NBAS: variants seen among roughly 807,000 people sequenced by gnomAD.
The protein encoded by NBAS is NBAS subunit of NRZ tethering complex.
NBAS carries 219 observed loss-of-function variants against 302.5 expected under a neutral mutation model. That is an observed-to-expected ratio of 0.72 (90% confidence interval 0.65 to 0.81). The LOEUF is 0.81. Ranked by LOEUF, NBAS falls within the 30% of genes least tolerant of loss-of-function variation. The pLI is 0.00. For missense variants in NBAS, 2,932 were observed against 2,841.6 expected, an observed-to-expected ratio of 1.03 and a Z score of -0.72; for synonymous variants, 1,118 against 1,021.6, an observed-to-expected ratio of 1.09 and a Z score of -1.80.
At chr2:15,207,522 G>T (rs1045280979) in intron 48 of NBAS, among the ~76,000 whole-genome samples, 23 of 152,156 alleles carry the variant, frequency 1.5e-4, no homozygotes, top group African/African-American at 4.6e-4. Context: ...ATTTGGGAGA[G>T]GCTGGGATGG....
the NBAS span, among the ~76,000 whole-genome samples, chr2:14,818,371 A>G: frequency 2.0e-5 from 3 of 152,170 alleles, no homozygotes; most frequent in African/African-American, 4.8e-5. Context: ...TTTTATCTGC[A>G]TCTACCATCT....
At chr2:15,012,267 G>A in the NBAS span, among the ~76,000 whole-genome samples, 5 of 151,820 alleles carry the variant, frequency 3.3e-5, no homozygotes, top group African/African-American at 1.2e-4. Flanking sequence ...TTCAATAACT[G>A]AAATAAAAAA....
At chr2:15,175,245 G>A (rs1489150880) in intron 51 of NBAS, among the ~76,000 whole-genome samples, 1 of 152,168 alleles carries the variant, frequency 6.6e-6, no homozygotes, top group Non-Finnish European at 1.5e-5. Flanking sequence ...GATTACAGGT[G>A]TGAGCCACCG....
At chr2:15,454,505 T>C (rs1213951514) in intron 21 of NBAS, among the ~76,000 whole-genome samples, 1 of 152,228 alleles carries the variant, frequency 6.6e-6, no homozygotes, top group Non-Finnish European at 1.5e-5. Flanking sequence ...TTCCAATGAA[T>C]GGATGTATTA....
intron 9 of NBAS, among the ~76,000 whole-genome samples, chr2:15,533,679 CGTGTGTGT>C (rs59222907): frequency 0.055 from 7,985 of 143,944 alleles, 504 homozygotes; most frequent in African/African-American, 0.15. Context: ...GGGGGGTGTG[CGTGTGTGT>C]GTGTGTGTGT....
At chr2:15,484,505 A>C (rs915206030) in intron 12 of NBAS, among the ~76,000 whole-genome samples, 1 of 152,136 alleles carries the variant, frequency 6.6e-6, no homozygotes, top group Admixed American at 6.5e-5. Context: ...GCTCAAGGTC[A>C]TGGCCAAGGT....
chr2:14,827,820 T>C, the NBAS span, among the ~76,000 whole-genome samples: 2 of 152,292 alleles, frequency 1.3e-5, no homozygotes, highest in South Asian at 4.1e-4. Context: ...GGAGTTCCTG[T>C]TCAACAGGAA....
Position 15,443,868 on chromosome 2 carries a change from C to A in NBAS, c.2340-16074G>T, listed in dbSNP as rs371947483. On this transcript the variant is annotated intron_variant, in intron 21 of 51. Coordinates refer to ENST00000281513, the MANE Select transcript of NBAS (RefSeq NM_015909.4). Reference sequence around the variant, plus strand: ...TTCTTATACACCAATAACAGACAAACAGAGAGCCAAAGCATGAGAGAACTC... The same window carrying A: ...TTCTTATACACCAATAACAGACAAAAAGAGAGCCAAAGCATGAGAGAACTC... Among the ~76,000 whole-genome samples the A allele has an allele frequency of 1.8e-4, 27 of 152,240 alleles. No homozygotes were observed. The East Asian group carries it at 3.9e-3, about 22-fold the overall frequency.
intron 21 of NBAS, among the ~76,000 whole-genome samples, chr2:15,447,460 T>C (rs1206143277): frequency 6.6e-6 from 1 of 152,180 alleles, no homozygotes; most frequent in Non-Finnish European, 1.5e-5. Flanking sequence ...GCTAATGTGC[T>C]GTGTTAGAAA....
the NBAS span, among the ~76,000 whole-genome samples, chr2:15,009,693 C>CATATATAT: frequency 0.069 from 8,721 of 126,172 alleles, 407 homozygotes; most frequent in Middle Eastern, 0.1. Flanking sequence ...TGTAGGAATG[C>CATATATAT]ATATATATAT....
At chr2:15,160,409 G>A in the NBAS span, among the ~76,000 whole-genome samples, 2 of 152,198 alleles carry the variant, frequency 1.3e-5, no homozygotes, top group South Asian at 2.1e-4. Flanking sequence ...ACCTGTGGAC[G>A]CAGCAGGGAG....
At chr2:15,094,242 C>CAT in the NBAS span, among the ~76,000 whole-genome samples, 2 of 152,192 alleles carry the variant, frequency 1.3e-5, no homozygotes, top group Admixed American at 1.3e-4. Context: ...TTGGAAAGAA[C>CAT]ATATTTCCCT....
the NBAS span, among the ~76,000 whole-genome samples, chr2:14,840,642 G>GA: frequency 4.5e-3 from 674 of 150,248 alleles, no homozygotes; most frequent in Middle Eastern, 0.014. Context: ...AGTGCCAAAA[G>GA]AAAAAAAAAT....
chr2:14,779,276 C>A, the NBAS span, among the ~76,000 whole-genome samples: 1 of 152,236 alleles, frequency 6.6e-6, no homozygotes, highest in South Asian at 2.1e-4. Flanking sequence ...CCTCCCATGA[C>A]TAACACAGTG....
At chr2:15,536,205 T>A (rs1163766092) in intron 8 of NBAS, among the ~76,000 whole-genome samples, 1 of 152,094 alleles carries the variant, frequency 6.6e-6, no homozygotes, top group South Asian at 2.1e-4. Context: ...GATATATGAA[T>A]AGAAATATGA....
At chr2:15,107,898 T>C in the NBAS span, among the ~76,000 whole-genome samples, 1 of 152,158 alleles carries the variant, frequency 6.6e-6, no homozygotes, top group Non-Finnish European at 1.5e-5. Context: ...CACTGTTGAG[T>C]AGATTGGTCA....
chr2:15,214,201 G>T (rs1237293469), intron 48 of NBAS, among the ~76,000 whole-genome samples: 2 of 152,114 alleles, frequency 1.3e-5, no homozygotes, highest in Non-Finnish European at 2.9e-5. Context: ...TTAAAGATTT[G>T]ATATTCATTT....
In NBAS at chr2:15,186,599, T is replaced by G. The variant is rs992420685; in HGVS notation, c.6711+143A>C. On this transcript the variant is annotated intron_variant, in intron 50 of 51. Coordinates refer to ENST00000281513, the MANE Select transcript of NBAS (RefSeq NM_015909.4). ...ATCCTTTCAGCACTGCTTTTCTTCA[T>G]CTGATCCATCAGAAATTATGGCCTT... 5 of 1,238,282 alleles carry G rather than the reference T, an allele frequency of 4.0e-6. No homozygotes were observed. In the African/African-American group the frequency reaches 6.0e-5, roughly 15 times the overall value. 76.7% of individuals were successfully genotyped at this position (1,238,282 alleles called of 1,614,324 possible).
At chr2:15,398,735 C>A (rs976653951) in intron 26 of NBAS, among the ~76,000 whole-genome samples, 1 of 152,026 alleles carries the variant, frequency 6.6e-6, no homozygotes, top group Non-Finnish European at 1.5e-5. Flanking sequence ...ACAAACTTGG[C>A]ATGAAGAACA....
Sources: allele counts gnomAD v4.1 joint callset (sites outside exome capture counted in the v4.1 genomes callset), GRCh38; gene constraint gnomAD v4.1.1; transcripts MANE v1.5; gene names NCBI Gene and HGNC (gene_info 2026-07-23, HGNC 2026-07-21).